SLCO5A1: variants seen among roughly 807,000 people sequenced by gnomAD.
SLCO5A1 encodes solute carrier organic anion transporter family member 5A1, also known as organic anion transporter polypeptide-related protein 4.
In SLCO5A1, 39 loss-of-function variants were observed where a neutral mutation model predicts 65.1. The ratio of observed to expected loss-of-function variants is 0.60; its 90% CI spans 0.46 to 0.78. The LOEUF (loss-of-function observed/expected upper bound fraction) is 0.78. SLCO5A1 is among the 30% of genes least tolerant of loss of function. SLCO5A1 has a pLI of 0.00. For synonymous variants in SLCO5A1, 438 were observed against 415.7 expected (o/e 1.05, Z -0.65); for missense variants, 1,029 against 1,069.4 (o/e 0.96, Z 0.53).
chr8:69,689,965 T>C (rs527349904), intron 6 of SLCO5A1, among the ~76,000 whole-genome samples: 1 of 152,182 alleles, frequency 6.6e-6, no homozygotes, highest in Non-Finnish European at 1.5e-5. Flanking sequence ...TTCTTCCTAC[T>C]CATGAGCATG....
intron 2 of SLCO5A1, among the ~76,000 whole-genome samples, chr8:69,770,935 G>T (rs1381547010): frequency 6.6e-6 from 1 of 152,074 alleles, no homozygotes; most frequent in African/African-American, 2.4e-5. Flanking sequence ...TTCTCCTGCA[G>T]ATTTAACCTT....
At chr8:69,742,791 A>ATTT (rs1816842285) in intron 4 of SLCO5A1, among the ~76,000 whole-genome samples, 7 of 80,888 alleles carry the variant, frequency 8.7e-5, no homozygotes, top group South Asian at 4.5e-4. Flanking sequence ...GTGTGAGTGG[A>ATTT]TTCTTTTTTT....
At chr8:69,729,063 A>G (rs1331119489) in intron 5 of SLCO5A1, among the ~76,000 whole-genome samples, 2 of 152,182 alleles carry the variant, frequency 1.3e-5, no homozygotes. Context: ...AGAAACCACA[A>G]AGACTACTGA....
At chr8:69,825,174 C>G (rs1820817765) in intron 2 of SLCO5A1, among the ~76,000 whole-genome samples, 2 of 152,142 alleles carry the variant, frequency 1.3e-5, no homozygotes, top group South Asian at 2.1e-4. Flanking sequence ...CAATATCATA[C>G]TGAATGGGCA....
intron 4 of SLCO5A1, among the ~76,000 whole-genome samples, chr8:69,752,663 A>G (rs370923015): frequency 5.3e-5 from 8 of 152,308 alleles, no homozygotes; most frequent in Admixed American, 1.3e-4. Context: ...GTGTAATTCA[A>G]TTAAAACAGT....
intron 2 of SLCO5A1, among the ~76,000 whole-genome samples, chr8:69,775,509 C>G (rs1173621190): frequency 6.6e-6 from 1 of 152,116 alleles, no homozygotes; most frequent in Non-Finnish European, 1.5e-5. Flanking sequence ...ACTGTTTATA[C>G]ACTTCATCAG....
At chr8:69,798,900 T>C (rs1285500792) in intron 2 of SLCO5A1, among the ~76,000 whole-genome samples, 1 of 152,230 alleles carries the variant, frequency 6.6e-6, no homozygotes, top group Non-Finnish European at 1.5e-5. Context: ...CTTAATGTTA[T>C]GATTTTGACA....
chr8:69,686,607 T>C (rs1345122493), intron 6 of SLCO5A1, among the ~76,000 whole-genome samples: 1 of 152,156 alleles, frequency 6.6e-6, no homozygotes, highest in African/African-American at 2.4e-5. Context: ...GACGAAGAAA[T>C]TGAAGATTTG....
chr8:69,834,919 G>C lies in SLCO5A1; in HGVS notation c.-562C>G, dbSNP rs1374412843. On this transcript the variant is annotated 5_prime_UTR_variant, in exon 1 of 10. Transcript: ENST00000260126. The stretch of plus-strand genomic sequence containing the variant: ...GCGGGAGGGGGGCACTGAGCTACGG[G>C]AATAGTTGGGAGCCGCGTGAGGAGG... 6.5e-6 allele frequency: 1 copy of C among 152,710 alleles called. No individual in the cohort carries two copies. Among genetic ancestry groups the C allele is most frequent in the Non-Finnish European group, 1.5e-5 (1 of 68,450 alleles). 9.5% of individuals were successfully genotyped at this position (152,710 alleles called of 1,614,324 possible). A position where few individuals can be genotyped will look rare whatever the true frequency, so the allele number is the denominator to read the frequency against.
chr8:69,746,654 G>T (rs546940013), intron 4 of SLCO5A1, among the ~76,000 whole-genome samples: 40 of 152,346 alleles, frequency 2.6e-4, no homozygotes, highest in Admixed American at 7.8e-4. Flanking sequence ...ATGAAAAGTG[G>T]TGTAATAAAG....
intron 2 of SLCO5A1, among the ~76,000 whole-genome samples, chr8:69,779,563 T>G (rs1818714627): frequency 6.6e-6 from 1 of 152,200 alleles, no homozygotes. Flanking sequence ...TTTCAGAAAC[T>G]ACACTAGGTA....
At chr8:69,718,597 A>G (rs753481731) in intron 5 of SLCO5A1, among the ~76,000 whole-genome samples, 13 of 152,190 alleles carry the variant, frequency 8.5e-5, no homozygotes, top group Non-Finnish European at 1.9e-4. Flanking sequence ...GCTAAAATTC[A>G]TAAATTCATT....
chr8:69,692,992 T>C (rs953985224), intron 6 of SLCO5A1, among the ~76,000 whole-genome samples: 7 of 152,334 alleles, frequency 4.6e-5, no homozygotes, highest in African/African-American at 1.4e-4. Context: ...TGCTGTACTA[T>C]TGAAGGACTG....
Position 69,667,137 on chromosome 8 carries a change from C to T in SLCO5A1, c.*5732G>A, listed in dbSNP as rs1207588657. On this transcript the variant is annotated 3_prime_UTR_variant, in exon 10 of 10. Coordinates refer to ENST00000260126, the MANE Select transcript of SLCO5A1 (RefSeq NM_030958.3). ...ATGCTGTAAACCAAGATTAGTACAT[C>T]GACAACAGATTTCATTAAACACACG... 6.6e-6 allele frequency: 1 copy of T among 152,112 alleles called. No individual in the cohort carries two copies. Among genetic ancestry groups the T allele is most frequent in the African/African-American group, 2.4e-5 (1 of 41,406 alleles). 9.4% of individuals were successfully genotyped at this position (152,112 alleles called of 1,614,324 possible). A position where few individuals can be genotyped will look rare whatever the true frequency, so the allele number is the denominator to read the frequency against.
intron 7 of SLCO5A1, among the ~76,000 whole-genome samples, chr8:69,680,798 C>T (rs1435741002): frequency 6.6e-6 from 1 of 152,142 alleles, no homozygotes; most frequent in African/African-American, 2.4e-5. Flanking sequence ...GCCCTACACC[C>T]TATAGAAGAG....
At chr8:69,694,837 C>G (rs1814429522) in intron 6 of SLCO5A1, among the ~76,000 whole-genome samples, 1 of 152,204 alleles carries the variant, frequency 6.6e-6, no homozygotes, top group Non-Finnish European at 1.5e-5. Flanking sequence ...GTCCTTGCAG[C>G]AGCTTCCAGC....
At chr8:69,747,973 C>A (rs993884508) in intron 4 of SLCO5A1, among the ~76,000 whole-genome samples, 5 of 152,158 alleles carry the variant, frequency 3.3e-5, no homozygotes, top group African/African-American at 9.7e-5. Flanking sequence ...TGCAACATGG[C>A]CAACACAGGA....
intron 6 of SLCO5A1, among the ~76,000 whole-genome samples, chr8:69,702,431 T>C (rs746273843): frequency 6.6e-6 from 1 of 152,312 alleles, no homozygotes; most frequent in East Asian, 1.9e-4. Context: ...TGCTTTTTCA[T>C]TTTTAGAGAC....
intron 2 of SLCO5A1, among the ~76,000 whole-genome samples, chr8:69,766,681 A>G (rs138994211): frequency 1.3e-5 from 2 of 152,146 alleles, no homozygotes; most frequent in Admixed American, 6.5e-5. Flanking sequence ...TCTTTGCCCA[A>G]TTCTTACCAC....
Sources: allele counts gnomAD v4.1 joint callset (sites outside exome capture counted in the v4.1 genomes callset), GRCh38; gene constraint gnomAD v4.1.1; transcripts MANE v1.5; gene names NCBI Gene and HGNC (gene_info 2026-07-23, HGNC 2026-07-21).